The following OGG1 variants were observed in gnomAD, a reference collection of about 807,000 sequenced individuals.
OGG1 encodes N-glycosylase/DNA lyase.
OGG1 carries 35 observed loss-of-function variants against 42.3 expected under a neutral mutation model. The observed-to-expected ratio is 0.83, with a 90% CI of 0.63 to 1.10. The LOEUF is 1.10. Ranked by LOEUF, OGG1 falls within the 50% of genes least tolerant of loss-of-function variation. OGG1 has a pLI of 0.00. For synonymous variants in OGG1, 189 were observed against 179.0 expected, an observed-to-expected ratio of 1.06 and a Z score of -0.44; for missense variants, 484 against 446.7, an observed-to-expected ratio of 1.08 and a Z score of -0.75.
intron 2 of OGG1, among the ~76,000 whole-genome samples, chr3:9,775,608 T>TTATA (rs2078354305): frequency 6.6e-6 from 1 of 152,144 alleles, no homozygotes; most frequent in African/African-American, 2.4e-5. Flanking sequence ...AGAAGGCATG[T>TTATA]TATATATAAT....
chr3:9,774,594 T>C (rs995586839), intron 2 of OGG1, among the ~76,000 whole-genome samples: 3 of 152,046 alleles, frequency 2.0e-5, no homozygotes, highest in African/African-American at 7.2e-5. Context: ...ACAGGATTGA[T>C]AACAAACAGT....
intron 2 of OGG1, among the ~76,000 whole-genome samples, chr3:9,775,918 G>T (rs924255624): frequency 6.6e-6 from 1 of 152,184 alleles, no homozygotes; most frequent in African/African-American, 2.4e-5. Flanking sequence ...GGGATTACAG[G>T]TGTGAGCCAC....
intron 3 of OGG1, among the ~76,000 whole-genome samples, chr3:9,786,140 C>T (rs1475127515): frequency 6.6e-6 from 1 of 152,096 alleles, no homozygotes; most frequent in Non-Finnish European, 1.5e-5. Context: ...GGGGTTTCAT[C>T]ATGTTAGCCA....
chr3:9,787,876 A>G (rs953719952), exon 4 of OGG1: 10 of 430,684 alleles, frequency 2.3e-5, no homozygotes, highest in Middle Eastern at 7.1e-4. Flanking sequence ...TTGAAGGGTG[A>G]GTCAAGTCTG....
chr3:9,766,786 G>A, downstream of OGG1: 1 of 256,254 alleles, frequency 3.9e-6, no homozygotes, highest in Non-Finnish European at 6.5e-6. Context: ...ATTAGTTACT[G>A]TAGTAACCTC....
At chr3:9,789,400 G>T, downstream of OGG1, 2 of 990,580 alleles carry the variant, frequency 2.0e-6, no homozygotes, top group South Asian at 1.6e-5. Context: ...ACAGCAGACT[G>T]GGCAGGGTTG....
intron 2 of OGG1, among the ~76,000 whole-genome samples, chr3:9,775,342 A>G (rs1174181107): frequency 1.3e-5 from 2 of 152,210 alleles, no homozygotes; most frequent in Non-Finnish European, 2.9e-5. Context: ...TTGCTATCAA[A>G]TGTATGGAGA....
chr3:9,750,972 G>C lies in OGG1; in HGVS notation c.165G>C (p.Trp55Cys), dbSNP rs1478461476. ...GGAGGGAGCAAAGTCCTGCACACTG[G>C]AGTGGTGTACTAGCGGATCAAGTAT... ...FRWREQSPAH[W>C]SGVLADQVWT... is the part of the protein sequence containing the mutation. The change falls in exon 2 of 7, where the codon TGG (tryptophan) becomes TGC (cysteine). Residue 55 changes from tryptophan (W) to cysteine (C), a missense_variant. Physicochemically the swap from Trp to Cys is radical, Grantham distance 215. Transcript: ENST00000344629. 1 of 1,614,120 alleles carries C rather than the reference G, an allele frequency of 6.2e-7. No individual in the cohort carries two copies. Among genetic ancestry groups the C allele is most frequent in the Non-Finnish European group, 8.5e-7 (1 of 1,180,014 alleles).
exon 8 of OGG1, chr3:9,766,046 C>A: frequency 6.2e-7 from 1 of 1,600,628 alleles, no homozygotes; most frequent in South Asian, 1.1e-5. Flanking sequence ...CAGAGATGGT[C>A]ACATGACCCA....
intron 2 of OGG1, among the ~76,000 whole-genome samples, chr3:9,773,125 A>T (rs986765009): frequency 1.3e-5 from 2 of 151,850 alleles, no homozygotes; most frequent in Non-Finnish European, 2.9e-5. Flanking sequence ...GCCACTTGGG[A>T]CGCTGAGGCA....
At position 9,750,119 on chromosome 3, in the gene OGG1, A is replaced by G. The variant is rs544804685; in HGVS notation, c.-168A>G. On this transcript the variant is annotated 5_prime_UTR_variant, in exon 1 of 7. Transcript: ENST00000344629. Reference sequence around the variant, plus strand: ...GGGCTTTGATGACCCGCAAAGGGCGAGGCATGCAGGAGGTGGAGGAATTAA... The same window carrying G: ...GGGCTTTGATGACCCGCAAAGGGCGGGGCATGCAGGAGGTGGAGGAATTAA... The G allele has an allele frequency of 1.3e-4, 115 of 856,870 alleles. No homozygotes were observed. The highest frequency in any genetic ancestry group is 7.4e-4 in the Middle Eastern group (2 of 2,712). The allele number at this position is 856,870 out of a possible 1,614,324, so 53.1% of individuals were successfully genotyped here.
chr3:9,753,987 A>G (rs981536574), intron 3 of OGG1, among the ~76,000 whole-genome samples: 2 of 152,102 alleles, frequency 1.3e-5, no homozygotes, highest in African/African-American at 2.4e-5. Context: ...AAAATAAACA[A>G]AATTAGCCAG....
At chr3:9,788,866 TG>T (rs1169169401), downstream of OGG1, among the ~76,000 whole-genome samples, 41 of 150,900 alleles carry the variant, frequency 2.7e-4, no homozygotes, top group African/African-American at 9.8e-4. Context: ...GACGGAGTCT[TG>T]CTCTGTTGCC....
At chr3:9,786,130 G>A (rs1450277994) in intron 3 of OGG1, among the ~76,000 whole-genome samples, 11 of 152,044 alleles carry the variant, frequency 7.2e-5, no homozygotes, top group African/African-American at 2.2e-4. Context: ...TAGTAGAGAC[G>A]GGGTTTCATC....
intron 2 of OGG1, chr3:9,781,436 A>G: frequency 4.5e-6 from 2 of 440,990 alleles, no homozygotes; most frequent in Admixed American, 4.7e-5. Flanking sequence ...AGATGATCCC[A>G]GGATCCCACA....
intron 3 of OGG1, chr3:9,787,372 G>C: frequency 1.3e-6 from 2 of 1,577,154 alleles, no homozygotes; most frequent in Non-Finnish European, 1.7e-6. Flanking sequence ...ACCCTGAGTG[G>C]GTAAGCACTG....
intron 2 of OGG1, among the ~76,000 whole-genome samples, chr3:9,773,706 T>A (rs1248552937): frequency 6.6e-6 from 1 of 151,868 alleles, no homozygotes; most frequent in Non-Finnish European, 1.5e-5. Flanking sequence ...ATTTATTATT[T>A]TTTTGAGACA....
chr3:9,789,802 G>C, downstream of OGG1: 1 of 1,614,252 alleles, frequency 6.2e-7, no homozygotes, highest in Non-Finnish European at 8.5e-7. Flanking sequence ...GAAGGTTTTT[G>C]GATTTGGGCC....
chr3:9,772,293 C>G (rs1338447424), intron 2 of OGG1, among the ~76,000 whole-genome samples: 2 of 152,192 alleles, frequency 1.3e-5, no homozygotes, highest in East Asian at 1.9e-4. Flanking sequence ...AAAACACACA[C>G]AGACTAACTG....
Sources: allele counts gnomAD v4.1 joint callset (sites outside exome capture counted in the v4.1 genomes callset), GRCh38; gene constraint gnomAD v4.1.1; transcripts MANE v1.5; gene names NCBI Gene and HGNC (gene_info 2026-07-23, HGNC 2026-07-21).